Variants in SIDT1 observed in about 807,000 individuals in gnomAD.
SIDT1 encodes the protein SID1 transmembrane family, member 1.
SIDT1 carries 101 observed loss-of-function variants against 107.5 expected under a neutral mutation model. The ratio of observed to expected loss-of-function variants is 0.94; its 90% CI spans 0.80 to 1.11. The LOEUF is 1.11. SIDT1 is among the 50% of genes least tolerant of loss of function. The pLI is 0.00. For missense variants in SIDT1, 1,076 were observed against 1,058.2 expected (o/e 1.02, Z -0.23); for synonymous variants, 395 against 398.2 (o/e 0.99, Z 0.10).
rs1947036590 is a variant in SIDT1, at chr3:113,629,206, G to A, written c.*1498G>A. 1 of 152,134 alleles carries A rather than the reference G, an allele frequency of 6.6e-6. No homozygotes were observed. The allele number at this position is 152,134 out of a possible 1,614,324, so 9.4% of individuals were successfully genotyped here. ...CCCATTTTAGAAGTTTGAACAGCAA[G>A]CTTTTCCTGATTTTAAAAACACAAA... On this transcript the variant is annotated 3_prime_UTR_variant, in exon 25 of 25. Transcript: ENST00000264852.
intron 19 of SIDT1, among the ~76,000 whole-genome samples, chr3:113,615,478 C>A (rs141841219): frequency 2.6e-5 from 4 of 152,352 alleles, no homozygotes; most frequent in Middle Eastern, 3.4e-3. Context: ...CATTATAACA[C>A]ACACACTCGC....
intron 1 of SIDT1, among the ~76,000 whole-genome samples, chr3:113,534,751 C>A (rs557817493): frequency 6.6e-5 from 10 of 152,334 alleles, no homozygotes; most frequent in Middle Eastern, 3.4e-3. Flanking sequence ...ACTCAAATTA[C>A]ATGTGCTAAG....
At chr3:113,603,724 A>T (rs1419182266) in intron 12 of SIDT1, among the ~76,000 whole-genome samples, 1 of 152,230 alleles carries the variant, frequency 6.6e-6, no homozygotes, top group Non-Finnish European at 1.5e-5. Context: ...CAAGGAAAAT[A>T]CTAGGGTTTT....
intron 1 of SIDT1, among the ~76,000 whole-genome samples, chr3:113,538,772 T>C (rs1462228771): frequency 1.3e-5 from 2 of 152,154 alleles, no homozygotes; most frequent in Non-Finnish European, 2.9e-5. Flanking sequence ...TTGAGAAGGT[T>C]ATGATAGGTA....
chr3:113,541,902 T>C lies in SIDT1; in HGVS notation c.222+8659T>C, dbSNP rs371426292. On this transcript the variant is annotated intron_variant, in intron 1 of 24. Coordinates refer to ENST00000264852, the MANE Select transcript of SIDT1 (RefSeq NM_017699.3). Reference sequence around the variant, plus strand: ...AGTAGTTTTACCAGACTTTATCTAGTAGGTCAATTTTTCTTTTTCTTTCTT... The same window carrying C: ...AGTAGTTTTACCAGACTTTATCTAGCAGGTCAATTTTTCTTTTTCTTTCTT... Among the ~76,000 whole-genome samples, 6 of 150,858 alleles carry C rather than the reference T, an allele frequency of 4.0e-5. No individual in the cohort carries two copies. In the East Asian group the frequency reaches 5.8e-4, roughly 15 times the overall value.
chr3:113,583,363 T>A (rs1245237217), intron 6 of SIDT1, 46 bp from the exon 7 acceptor site: 13 of 1,466,218 alleles, frequency 8.9e-6, no homozygotes, highest in Non-Finnish European at 1.1e-5. Context: ...TTCTCCCTTC[T>A]ACCTCTTTCT....
At position 113,595,661 on chromosome 3, in the gene SIDT1, A is replaced by G. The variant is rs576476959; in HGVS notation, c.1045+2613A>G. Among the ~76,000 whole-genome samples the G allele has an allele frequency of 2.1e-4, 32 of 152,242 alleles. 1 individual carries two copies. Among genetic ancestry groups the G allele is most frequent in the Admixed American group, 1.8e-3 (27 of 15,302 alleles). On this transcript the variant is annotated intron_variant, in intron 10 of 24. Transcript: ENST00000264852. The stretch of plus-strand genomic sequence containing the variant: ...CCCCACATCCCCCTGTTTGAGAACC[A>G]TGGACCTAAACACATGAAGACACCT...
chr3:113,563,885 A>G (rs942081239), intron 1 of SIDT1, among the ~76,000 whole-genome samples: 3 of 152,122 alleles, frequency 2.0e-5, no homozygotes, highest in Non-Finnish European at 4.4e-5. Context: ...ACTTAGAGAT[A>G]TAGACTGAAC....
intron 1 of SIDT1, among the ~76,000 whole-genome samples, chr3:113,541,484 TA>T: frequency 1.3e-5 from 2 of 152,338 alleles, no homozygotes; most frequent in Middle Eastern, 3.4e-3. Flanking sequence ...CATATATATT[TA>T]AAGTTCTAGT....
chr3:113,578,847 C>A (rs116198138), intron 4 of SIDT1, among the ~76,000 whole-genome samples: 1 of 151,894 alleles, frequency 6.6e-6, no homozygotes, highest in Non-Finnish European at 1.5e-5. Flanking sequence ...AGCGTGAGAC[C>A]CTATCTCTGA....
Position 113,619,681 on chromosome 3 carries a change from A to C in SIDT1, c.2045A>C (p.Asp682Ala). The change falls in exon 21 of 25, where the codon GAT (aspartate) becomes GCT (alanine). Residue 682 changes from aspartate (D) to alanine (A), a missense_variant and splice_region_variant. Transcript: ENST00000264852. ...GATGTTTTCTTTCCTCTTTTCCAGG[A>C]TAGAATGGTGTTGCTGGTTGTGGGG... The part of the protein sequence containing the change: ...IQQCSRPLYM[D>A]RMVLLVVGNL... 1 of 1,614,008 alleles carries C rather than the reference A, an allele frequency of 6.2e-7. No individual in the cohort carries two copies. Among genetic ancestry groups the C allele is most frequent in the Non-Finnish European group, 8.5e-7 (1 of 1,179,930 alleles).
In SIDT1 at chr3:113,557,211, A is replaced by G. The variant is rs190551082; in HGVS notation, c.223-9209A>G. Among the ~76,000 whole-genome samples, 14 of 152,350 alleles carry G rather than the reference A, an allele frequency of 9.2e-5. No individual in the cohort carries two copies. In the East Asian group the frequency reaches 2.3e-3, roughly 25 times the overall value. On this transcript the variant is annotated intron_variant, in intron 1 of 24. Coordinates refer to ENST00000264852, the MANE Select transcript of SIDT1 (RefSeq NM_017699.3). ...TTAGGCCTGGCCTCCATGTTAATTC[A>G]CTTTAACAGCAAGTAAGTAAAAGCT...
At chr3:113,577,955 A>T (rs1320191975) in intron 4 of SIDT1, among the ~76,000 whole-genome samples, 2 of 152,186 alleles carry the variant, frequency 1.3e-5, no homozygotes, top group Non-Finnish European at 2.9e-5. Flanking sequence ...GAAGTGACTA[A>T]TGCACAATCA....
intron 17 of SIDT1, among the ~76,000 whole-genome samples, chr3:113,610,284 G>T (rs1398761820): frequency 2.0e-5 from 3 of 152,130 alleles, no homozygotes; most frequent in Non-Finnish European, 4.4e-5. Context: ...TCAGTTACTT[G>T]GTTTGTGCAC....
At chr3:113,616,766 G>A (rs1252248605) in intron 20 of SIDT1, among the ~76,000 whole-genome samples, 4 of 150,654 alleles carry the variant, frequency 2.7e-5, no homozygotes, top group East Asian at 3.9e-4. Context: ...TTGGCTCACC[G>A]CAACCTCCAC....
chr3:113,591,284 A>C (rs1386090973), intron 9 of SIDT1, among the ~76,000 whole-genome samples: 1 of 152,196 alleles, frequency 6.6e-6, no homozygotes, highest in Non-Finnish European at 1.5e-5. Flanking sequence ...TAAGATAATA[A>C]ACTTGTATTG....
intron 24 of SIDT1, among the ~76,000 whole-genome samples, chr3:113,627,342 C>T (rs2107874056): frequency 6.6e-6 from 1 of 152,314 alleles, no homozygotes; most frequent in East Asian, 1.9e-4. Context: ...TGTTTCACGT[C>T]TAAAGCCCTC....
chr3:113,571,116 C>T (rs1942403645), intron 3 of SIDT1, among the ~76,000 whole-genome samples: 1 of 152,204 alleles, frequency 6.6e-6, no homozygotes, highest in Non-Finnish European at 1.5e-5. Context: ...TTCCATGAAA[C>T]ATTTATTTAA....
intron 3 of SIDT1, among the ~76,000 whole-genome samples, chr3:113,573,051 G>A (rs1942601660): frequency 6.6e-6 from 1 of 151,770 alleles, no homozygotes; most frequent in Non-Finnish European, 1.5e-5. Flanking sequence ...GGTGCTCCAG[G>A]TGGTGGCAGG....
Sources: allele counts gnomAD v4.1 joint callset (sites outside exome capture counted in the v4.1 genomes callset), GRCh38; gene constraint gnomAD v4.1.1; transcripts MANE v1.5; gene names NCBI Gene and HGNC (gene_info 2026-07-23, HGNC 2026-07-21).